Variants in VAMP4 observed in about 807,000 individuals in gnomAD.
The protein encoded by VAMP4 is vesicle-associated membrane protein 4.
Under a neutral mutation model 23.5 loss-of-function variants are expected in VAMP4, and 19 were observed. That is an observed-to-expected ratio of 0.81 (90% CI 0.56 to 1.19). The LOEUF (loss-of-function observed/expected upper bound fraction) is 1.19, where lower values mean the gene tolerates loss of function less well. Ranked by LOEUF, VAMP4 falls within the 50% of genes most tolerant of loss-of-function variation. The pLI, the probability that VAMP4 is intolerant of heterozygous loss-of-function variation, is 0.00. For synonymous variants in VAMP4, 31 were observed against 51.0 expected, an observed-to-expected ratio of 0.61 and a Z score of 1.67; for missense variants, 145 against 168.6, an observed-to-expected ratio of 0.86 and a Z score of 0.78.
chr1:171,730,553 G>A (rs561895284), intron 2 of VAMP4, among the ~76,000 whole-genome samples: 2 of 152,210 alleles, frequency 1.3e-5, no homozygotes, highest in South Asian at 4.1e-4. Context: ...GATGAGGAGT[G>A]GAATGGAGGA....
At chr1:171,737,720 A>G (rs1655788292) in intron 2 of VAMP4, among the ~76,000 whole-genome samples, 1 of 152,196 alleles carries the variant, frequency 6.6e-6, no homozygotes, top group Non-Finnish European at 1.5e-5. Context: ...ATGCTGTTAC[A>G]TAATATGTTC....
rs753030290 is a variant in VAMP4, at chr1:171,706,377, T to C, written c.387A>G (p.Leu129=). ...CCAATAAATACTTACTGATAATCAC[T>C]AGCAAAAGGATAGCAGCAACCAAAG... ...IMALVAAILL[L]VIIILIVMKY... The change falls in exon 7 of 8, where the codon CTA becomes CTG. Residue 129 remains leucine (L), a synonymous_variant. Coordinates refer to ENST00000236192, the MANE Select transcript of VAMP4 (RefSeq NM_003762.5). The C allele has an allele frequency of 5.6e-6, 9 of 1,610,010 alleles. No homozygotes were observed. The highest frequency in any genetic ancestry group is 1.1e-5 in the South Asian group (1 of 90,418).
chr1:171,719,965 A>C (rs1036041422), intron 3 of VAMP4, among the ~76,000 whole-genome samples: 1 of 151,894 alleles, frequency 6.6e-6, no homozygotes, highest in African/African-American at 2.4e-5. Context: ...AGGTTCTTAG[A>C]TTTCTAGACA....
intron 3 of VAMP4, among the ~76,000 whole-genome samples, chr1:171,719,974 C>T (rs1655138344): frequency 6.6e-6 from 1 of 151,452 alleles, no homozygotes; most frequent in Non-Finnish European, 1.5e-5. Flanking sequence ...GATTTCTAGA[C>T]ATGGCAATTT....
At chr1:171,733,512 T>A (rs190044656) in intron 2 of VAMP4, among the ~76,000 whole-genome samples, 1 of 152,144 alleles carries the variant, frequency 6.6e-6, no homozygotes, top group East Asian at 1.9e-4. Flanking sequence ...TAGAGGATAA[T>A]GATACTAAAG....
In VAMP4 at chr1:171,701,529, T is replaced by TA. The variant is rs1654433307; in HGVS notation, c.*2976dup. ...TGTACACATATTATCATTTACAGGATAGTCACATACTATACAGAATTGAAA... is the reference window on the plus strand; with the variant it reads ...TGTACACATATTATCATTTACAGGATAAGTCACATACTATACAGAATTGAAA... On this transcript the variant is annotated 3_prime_UTR_variant, in exon 8 of 8. Transcript: ENST00000236192. The TA allele has an allele frequency of 6.6e-6, 1 of 152,188 alleles. No individual in the cohort carries two copies. Among genetic ancestry groups the TA allele is most frequent in the Admixed American group, 6.5e-5 (1 of 15,274 alleles). The allele number at this position is 152,188 out of a possible 1,614,324, so 9.4% of individuals were successfully genotyped here.
chr1:171,722,566 T>A (rs1248660967), intron 3 of VAMP4, among the ~76,000 whole-genome samples: 1 of 151,780 alleles, frequency 6.6e-6, no homozygotes. Flanking sequence ...CAAGAAAAAA[T>A]CAAACAACCC....
Position 171,704,027 on chromosome 1 carries a change from A to C in VAMP4, c.*479T>G, listed in dbSNP as rs1165659918. 1 of 152,510 alleles carries C rather than the reference A, an allele frequency of 6.6e-6. No homozygotes were observed. Among genetic ancestry groups the C allele is most frequent in the Non-Finnish European group, 1.5e-5 (1 of 67,924 alleles). 9.4% of individuals were successfully genotyped at this position (152,510 alleles called of 1,614,324 possible). A position where few individuals can be genotyped will look rare whatever the true frequency, so the allele number is the denominator to read the frequency against. On this transcript the variant is annotated 3_prime_UTR_variant, in exon 8 of 8. Transcript: ENST00000236192. ...ACCTATAAATGTGGAAATTGCTTGC[A>C]AAACAACTGTAATATGAAAGGAACT...
At chr1:171,707,004 AAACATC>A (rs1311419101) in intron 6 of VAMP4, among the ~76,000 whole-genome samples, 1 of 152,198 alleles carries the variant, frequency 6.6e-6, no homozygotes, top group Non-Finnish European at 1.5e-5. Context: ...ATTTGAATGA[AAACATC>A]AATATCAATT....
At chr1:171,729,433 A>G (rs530676330) in intron 2 of VAMP4, among the ~76,000 whole-genome samples, 3 of 152,318 alleles carry the variant, frequency 2.0e-5, no homozygotes, top group Admixed American at 2.0e-4. Flanking sequence ...ATTTCACACA[A>G]TATTTTTTAA....
intron 7 of VAMP4, among the ~76,000 whole-genome samples, chr1:171,705,579 G>A (rs1486793009): frequency 6.6e-6 from 1 of 152,122 alleles, no homozygotes; most frequent in African/African-American, 2.4e-5. Flanking sequence ...AGCACCATGA[G>A]TACTGATTTT....
chr1:171,726,140 C>T (rs1047751768), intron 3 of VAMP4, among the ~76,000 whole-genome samples: 2 of 152,140 alleles, frequency 1.3e-5, no homozygotes, highest in Non-Finnish European at 2.9e-5. Context: ...CAACCTCCAA[C>T]TCCTGGGTTC....
chr1:171,711,405 C>A (rs1315994298), intron 4 of VAMP4, among the ~76,000 whole-genome samples: 1 of 152,036 alleles, frequency 6.6e-6, no homozygotes, highest in African/African-American at 2.4e-5. Flanking sequence ...GGATATAAGA[C>A]AACTGGGGAC....
At position 171,703,813 on chromosome 1, in the gene VAMP4, A is replaced by C. The variant is rs1429486908; in HGVS notation, c.*693T>G. 1 of 152,304 alleles carries C rather than the reference A, an allele frequency of 6.6e-6. No individual in the cohort carries two copies. Among genetic ancestry groups the C allele is most frequent in the African/African-American group, 2.4e-5 (1 of 41,400 alleles). 9.4% of individuals were successfully genotyped at this position (152,304 alleles called of 1,614,324 possible). Reference sequence around the variant, plus strand: ...TCAAATACTCCAATGACACTCTTCAATAACTTTATTATCTCCAGTTTTATG... The same window carrying C: ...TCAAATACTCCAATGACACTCTTCACTAACTTTATTATCTCCAGTTTTATG... On this transcript the variant is annotated 3_prime_UTR_variant, in exon 8 of 8. Coordinates refer to ENST00000236192, the MANE Select transcript of VAMP4 (RefSeq NM_003762.5).
intron 7 of VAMP4, among the ~76,000 whole-genome samples, chr1:171,705,596 A>G (rs1654623375): frequency 6.6e-6 from 1 of 152,176 alleles, no homozygotes; most frequent in Non-Finnish European, 1.5e-5. Context: ...TTTTGGGGTT[A>G]CAAATAAATT....
intron 3 of VAMP4, among the ~76,000 whole-genome samples, chr1:171,721,160 A>C (rs1371807617): frequency 6.6e-6 from 1 of 152,142 alleles, no homozygotes; most frequent in African/African-American, 2.4e-5. Context: ...TCAACCTGAT[A>C]AATCTACACA....
intron 1 of VAMP4, among the ~76,000 whole-genome samples, chr1:171,739,731 G>A (rs114460240): frequency 0.015 from 2,254 of 152,256 alleles, 49 homozygotes; most frequent in African/African-American, 0.052. Flanking sequence ...TGCTTGTGAG[G>A]AGAAATCTTT....
At chr1:171,720,831 A>C (rs1170950596) in intron 3 of VAMP4, among the ~76,000 whole-genome samples, 1 of 152,100 alleles carries the variant, frequency 6.6e-6, no homozygotes, top group Non-Finnish European at 1.5e-5. Context: ...CCTACCACGA[A>C]AACCAGATAA....
chr1:171,736,822 CA>C (rs1282449481), intron 2 of VAMP4, among the ~76,000 whole-genome samples: 1 of 152,016 alleles, frequency 6.6e-6, no homozygotes, highest in Non-Finnish European at 1.5e-5. Context: ...ACGAGAAAAA[CA>C]AAAACTAGCT....
Sources: gnomAD v4.1 joint callset for allele counts (sites outside exome capture counted in the v4.1 genomes callset) on GRCh38, gnomAD v4.1.1 for gene constraint, MANE v1.5 for transcripts, NCBI Gene and HGNC (gene_info 2026-07-23, HGNC 2026-07-21) for gene names.